NRG3: variants seen among roughly 807,000 people sequenced by gnomAD.
The protein encoded by NRG3 is pro-neuregulin-3, membrane-bound isoform.
In NRG3, 31 loss-of-function variants were observed where a neutral mutation model predicts 66.9. That is an observed-to-expected ratio of 0.46 (90% CI 0.35 to 0.63). The LOEUF is 0.63. Ranked by LOEUF, NRG3 falls within the 20% of genes least tolerant of loss-of-function variation. The pLI, the probability that NRG3 is intolerant of heterozygous loss-of-function variation, is 0.00. For synonymous variants in NRG3, 393 were observed against 359.4 expected (o/e 1.09, Z -1.06); for missense variants, 910 against 878.9 (o/e 1.04, Z -0.45).
intron 1 of NRG3, among the ~76,000 whole-genome samples, chr10:81,992,229 A>G (rs970687741): frequency 6.6e-6 from 1 of 152,170 alleles, no homozygotes; most frequent in Non-Finnish European, 1.5e-5. Context: ...TATTTTATTT[A>G]TCAGAACTCA....
chr10:82,585,682 G>C (rs1466773482), intron 2 of NRG3, among the ~76,000 whole-genome samples: 1 of 151,918 alleles, frequency 6.6e-6, no homozygotes, highest in Non-Finnish European at 1.5e-5. Context: ...ACAACCTTGT[G>C]GCCATCTCAC....
At chr10:82,595,922 C>G (rs755452737) in intron 2 of NRG3, among the ~76,000 whole-genome samples, 30 of 152,050 alleles carry the variant, frequency 2.0e-4, no homozygotes, top group Non-Finnish European at 3.4e-4. Flanking sequence ...CCTTAAGTTT[C>G]CAAATGGTTG....
chr10:82,369,386 C>A (rs1280771447), intron 2 of NRG3, among the ~76,000 whole-genome samples: 1 of 138,202 alleles, frequency 7.2e-6, no homozygotes, highest in South Asian at 2.1e-4. Context: ...GCAGCCTTGA[C>A]CTCCTGGGCT....
intron 2 of NRG3, among the ~76,000 whole-genome samples, chr10:82,455,877 C>T (rs112247783): frequency 0.019 from 2,843 of 152,214 alleles, 91 homozygotes; most frequent in African/African-American, 0.065. Context: ...TTCTGCCTCC[C>T]AAAGTGCTGG....
chr10:82,810,238 G>T (rs1038420615), intron 3 of NRG3, among the ~76,000 whole-genome samples: 6 of 152,212 alleles, frequency 3.9e-5, no homozygotes, highest in Admixed American at 3.9e-4. Flanking sequence ...TAAGGTTATG[G>T]ATATGTATTG....
intron 2 of NRG3, among the ~76,000 whole-genome samples, chr10:82,652,357 A>T (rs1281720001): frequency 6.6e-6 from 1 of 152,090 alleles, no homozygotes; most frequent in Non-Finnish European, 1.5e-5. Flanking sequence ...GAATTGAAGG[A>T]TGGTAAATGA....
chr10:82,720,766 T>C (rs1388131204), intron 2 of NRG3, among the ~76,000 whole-genome samples: 1 of 144,934 alleles, frequency 6.9e-6, no homozygotes, highest in African/African-American at 2.7e-5. Flanking sequence ...CACTCCCTGG[T>C]CAATTTATTC....
chr10:82,394,238 C>T (rs2086575288), intron 2 of NRG3, among the ~76,000 whole-genome samples: 1 of 152,168 alleles, frequency 6.6e-6, no homozygotes, highest in Non-Finnish European at 1.5e-5. Context: ...GGCATGCTCT[C>T]CAGTCCTCTA....
intron 1 of NRG3, among the ~76,000 whole-genome samples, chr10:82,170,156 A>G (rs924726040): frequency 6.6e-6 from 1 of 152,076 alleles, no homozygotes; most frequent in Non-Finnish European, 1.5e-5. Flanking sequence ...ATTACCAGAG[A>G]TAACTTCACA....
intron 2 of NRG3, among the ~76,000 whole-genome samples, chr10:82,675,996 A>G (rs1433227141): frequency 2.0e-5 from 3 of 152,198 alleles, no homozygotes; most frequent in African/African-American, 7.2e-5. Context: ...AATTCCACAC[A>G]GTTAGAAAAA....
chr10:82,880,039 C>T (rs886768857), intron 4 of NRG3, among the ~76,000 whole-genome samples: 3 of 147,110 alleles, frequency 2.0e-5, no homozygotes, highest in Non-Finnish European at 3.0e-5. Flanking sequence ...ATATGGGCTC[C>T]GTTTATTGAT....
At chr10:82,928,667 C>T (rs1238017479) in intron 4 of NRG3, among the ~76,000 whole-genome samples, 1 of 150,496 alleles carries the variant, frequency 6.6e-6, no homozygotes, top group African/African-American at 2.4e-5. Context: ...AATATCTAGG[C>T]TTTGTTGACT....
At chr10:82,825,380 G>A (rs929378028) in intron 3 of NRG3, among the ~76,000 whole-genome samples, 2 of 152,040 alleles carry the variant, frequency 1.3e-5, no homozygotes, top group African/African-American at 4.8e-5. Flanking sequence ...ATACTTTACA[G>A]GTATTGCTCC....
At chr10:82,283,767 G>A (rs1425312370) in intron 1 of NRG3, among the ~76,000 whole-genome samples, 3 of 152,028 alleles carry the variant, frequency 2.0e-5, no homozygotes, top group Admixed American at 6.6e-5. Flanking sequence ...TTTATCACAG[G>A]GCATCATTTC....
intron 2 of NRG3, among the ~76,000 whole-genome samples, chr10:82,408,630 A>G (rs954957444): frequency 2.6e-5 from 3 of 113,386 alleles, no homozygotes; most frequent in African/African-American, 1.6e-4. Flanking sequence ...TTTCATATAT[A>G]TATTATATAT....
At chr10:82,779,261 A>G (rs2060025359) in intron 3 of NRG3, among the ~76,000 whole-genome samples, 1 of 152,088 alleles carries the variant, frequency 6.6e-6, no homozygotes, top group South Asian at 2.1e-4. Context: ...GTGGTGATGA[A>G]GGTTGCTAGG....
chr10:82,662,810 G>GT (rs1363533694), intron 2 of NRG3, among the ~76,000 whole-genome samples: 2 of 152,124 alleles, frequency 1.3e-5, no homozygotes, highest in East Asian at 3.9e-4. Flanking sequence ...TCAACAGCAG[G>GT]TATAAAGGCT....
chr10:82,522,098 C>T (rs377699882), intron 2 of NRG3, among the ~76,000 whole-genome samples: 297 of 137,884 alleles, frequency 2.2e-3, no homozygotes, highest in African/African-American at 7.5e-3. Flanking sequence ...GGCTGGAGTG[C>T]GGTGGTGCAA....
At chr10:82,891,969 T>A (rs1564607736) in intron 4 of NRG3, among the ~76,000 whole-genome samples, 1 of 152,040 alleles carries the variant, frequency 6.6e-6, no homozygotes, top group Non-Finnish European at 1.5e-5. Context: ...AAAAAAATTT[T>A]AAAAATTATA....
Sources: allele counts gnomAD v4.1 joint callset (sites outside exome capture counted in the v4.1 genomes callset), GRCh38; gene constraint gnomAD v4.1.1; transcripts MANE v1.5; gene names NCBI Gene and HGNC (gene_info 2026-07-23, HGNC 2026-07-21).